Variants in PACSIN2 observed in about 807,000 individuals in gnomAD.
PACSIN2 encodes protein kinase C and casein kinase substrate in neurons 2.
Under a neutral mutation model 63.8 loss-of-function variants are expected in PACSIN2, and 25 were observed. The observed-to-expected ratio is 0.39, with a 90% confidence interval of 0.29 to 0.55. PACSIN2 has a LOEUF of 0.55. PACSIN2 is among the 20% of genes least tolerant of loss of function. The pLI is 0.62. For synonymous variants in PACSIN2, 255 were observed against 256.2 expected (o/e 1.00, Z 0.05); for missense variants, 518 against 646.9 (o/e 0.80, Z 2.16).
intron 1 of PACSIN2, among the ~76,000 whole-genome samples, chr22:42,992,710 A>C (rs1476873468): frequency 6.6e-6 from 1 of 152,260 alleles, no homozygotes; most frequent in Non-Finnish European, 1.5e-5. Context: ...CACCAAGTGG[A>C]AACAGCCCAA....
intron 1 of PACSIN2, among the ~76,000 whole-genome samples, chr22:43,000,835 G>A (rs529389594): frequency 2.0e-5 from 3 of 152,374 alleles, no homozygotes; most frequent in South Asian, 4.1e-4. Context: ...GACATACTGT[G>A]TGGCACTGCC....
In PACSIN2 at chr22:43,010,398, A is replaced by ATATATATATTT; in HGVS notation, c.-78+4622_-78+4623insAAATATATATA. On this transcript the variant is annotated intron_variant, in intron 1 of 10. Coordinates refer to ENST00000263246, the MANE Select transcript of PACSIN2 (RefSeq NM_001184970.3). ...TGTTTAAAAATACATATATATATAT[A>ATATATATATTT]TTTTTTTTTAATTGAAAATAAAAAA... Among the ~76,000 whole-genome samples, 9 of 126,410 alleles carry ATATATATATTT rather than the reference A, an allele frequency of 7.1e-5. 1 individual carries two copies. Among genetic ancestry groups the ATATATATATTT allele is most frequent in the African/African-American group, 2.5e-4 (9 of 35,356 alleles). 82.9% of individuals were successfully genotyped at this position (126,410 alleles called of 152,430 possible). A position where few individuals can be genotyped will look rare whatever the true frequency, so the allele number is the denominator to read the frequency against.
intron 1 of PACSIN2, among the ~76,000 whole-genome samples, chr22:42,925,872 TC>T (rs1932504344): frequency 6.6e-6 from 1 of 152,034 alleles, no homozygotes; most frequent in African/African-American, 2.4e-5. Flanking sequence ...GGCCCATGGG[TC>T]CCTGGGCCCT....
At chr22:42,986,281 C>T (rs763613568) in intron 1 of PACSIN2, among the ~76,000 whole-genome samples, 4 of 152,176 alleles carry the variant, frequency 2.6e-5, no homozygotes, top group Admixed American at 6.5e-5. Context: ...GCGTCAGCCA[C>T]GACGCTGGGC....
intron 1 of PACSIN2, among the ~76,000 whole-genome samples, chr22:42,988,683 C>G (rs1253536391): frequency 6.6e-6 from 1 of 152,200 alleles, no homozygotes; most frequent in Non-Finnish European, 1.5e-5. Context: ...TAACATTGCT[C>G]TCCAAACTTC....
intron 2 of PACSIN2, among the ~76,000 whole-genome samples, chr22:42,896,163 C>T (rs1195502499): frequency 6.6e-6 from 1 of 152,192 alleles, no homozygotes; most frequent in East Asian, 1.9e-4. Flanking sequence ...CTTTGTGCCC[C>T]CTTGCAGCCC....
At chr22:42,962,743 C>T (rs1920926562) in intron 1 of PACSIN2, among the ~76,000 whole-genome samples, 1 of 130,124 alleles carries the variant, frequency 7.7e-6, no homozygotes, top group African/African-American at 3.1e-5. Flanking sequence ...GAGTCCTGCC[C>T]CAAGTACCCA....
intron 1 of PACSIN2, among the ~76,000 whole-genome samples, chr22:42,975,457 A>ATATATAT (rs1921625340): frequency 7.1e-6 from 1 of 140,734 alleles, no homozygotes; most frequent in Non-Finnish European, 1.5e-5. Flanking sequence ...AATATATACA[A>ATATATAT]ATATATATAT....
intron 1 of PACSIN2, among the ~76,000 whole-genome samples, chr22:42,979,204 G>C (rs547607538): frequency 6.6e-6 from 1 of 152,256 alleles, no homozygotes; most frequent in East Asian, 1.9e-4. Flanking sequence ...ATCTGTTTGT[G>C]TTTTTATTTA....
At position 42,888,808 on chromosome 22, in the gene PACSIN2, G is replaced by C. The variant is rs1929685352; in HGVS notation, c.454-10C>G. ...TCTTTGCTGCTTCTACCTACAGGGA[G>C]AATGAGTTCCTGAATGCCATGTCAC... On this transcript the variant is annotated splice_polypyrimidine_tract_variant and intron_variant, in intron 4 of 10. Coordinates refer to ENST00000263246, the MANE Select transcript of PACSIN2 (RefSeq NM_001184970.3). 2 of 1,613,848 alleles carry C rather than the reference G, an allele frequency of 1.2e-6. No individual in the cohort carries two copies. The highest frequency in any genetic ancestry group is 1.3e-5 in the African/African-American group (1 of 74,924).
chr22:42,996,664 C>T (rs1351764656), intron 1 of PACSIN2, among the ~76,000 whole-genome samples: 1 of 152,088 alleles, frequency 6.6e-6, no homozygotes, highest in Non-Finnish European at 1.5e-5. Flanking sequence ...TACACTCCAG[C>T]CTGGGTGACA....
At chr22:42,976,757 C>T (rs751009739) in intron 1 of PACSIN2, among the ~76,000 whole-genome samples, 1 of 152,162 alleles carries the variant, frequency 6.6e-6, no homozygotes, top group Non-Finnish European at 1.5e-5. Flanking sequence ...TCACAGATAC[C>T]CCATTTCGTC....
intron 1 of PACSIN2, among the ~76,000 whole-genome samples, chr22:42,914,505 G>C (rs1931680739): frequency 6.6e-6 from 1 of 152,210 alleles, no homozygotes; most frequent in South Asian, 2.1e-4. Context: ...GAAGTGCTGG[G>C]ATTACAGGTG....
At chr22:42,930,956 G>GT (rs1932768319) in intron 1 of PACSIN2, among the ~76,000 whole-genome samples, 1 of 152,230 alleles carries the variant, frequency 6.6e-6, no homozygotes, top group African/African-American at 2.4e-5. Flanking sequence ...TCACGTGTGC[G>GT]TGACTCTGAA....
At chr22:42,966,960 A>G (rs1920965225) in intron 1 of PACSIN2, among the ~76,000 whole-genome samples, 1 of 152,202 alleles carries the variant, frequency 6.6e-6, no homozygotes. Context: ...TAATTCAGCC[A>G]TCTGACAAAT....
chr22:42,879,309 G>T, intron 7 of PACSIN2, 140 bp from the exon 8 acceptor site: 2 of 901,170 alleles, frequency 2.2e-6, no homozygotes, highest in Non-Finnish European at 3.2e-6. Flanking sequence ...GCTCTCCCTG[G>T]TTTCCCAGAA....
At chr22:42,912,184 T>C in intron 1 of PACSIN2, 27 bp from the exon 2 acceptor site, 1 of 743,992 alleles carries the variant, frequency 1.3e-6, no homozygotes, top group Non-Finnish European at 2.1e-6. Context: ...TATAACATAG[T>C]GGTTTTTAAA....
At chr22:42,962,138 A>G (rs1934157614) in intron 1 of PACSIN2, among the ~76,000 whole-genome samples, 1 of 152,088 alleles carries the variant, frequency 6.6e-6, no homozygotes, top group Non-Finnish European at 1.5e-5. Flanking sequence ...AAAAAATACA[A>G]AAATTGTCTA....
At chr22:42,970,655 G>C (rs767396683) in intron 1 of PACSIN2, among the ~76,000 whole-genome samples, 6 of 152,206 alleles carry the variant, frequency 3.9e-5, no homozygotes, top group Non-Finnish European at 5.9e-5. Context: ...GCAAAAAGGA[G>C]TCAGGGACAA....
Sources: gnomAD v4.1 joint callset for allele counts (sites outside exome capture counted in the v4.1 genomes callset) on GRCh38, gnomAD v4.1.1 for gene constraint, MANE v1.5 for transcripts, NCBI Gene and HGNC (gene_info 2026-07-23, HGNC 2026-07-21) for gene names.